GRID1: variants seen among roughly 807,000 people sequenced by gnomAD.
The protein encoded by GRID1 is glutamate ionotropic receptor delta type subunit 1.
A neutral mutation model predicts 98.0 loss-of-function variants in GRID1; 28 were observed. That is an observed-to-expected ratio of 0.29 (90% confidence interval 0.21 to 0.39). The LOEUF (loss-of-function observed/expected upper bound fraction) is 0.39, where lower values mean the gene tolerates loss of function less well. Among genes scored for constraint, GRID1 ranks in the 10% least tolerant of loss-of-function variants. The probability of loss-of-function intolerance (pLI) is 1.00; values close to 1 mark genes in which losing one functional copy is unlikely to be tolerated. For missense variants in GRID1, 1,111 were observed against 1,340.5 expected (o/e 0.83, Z 2.67); for synonymous variants, 553 against 538.5 (o/e 1.03, Z -0.37).
chr10:85,980,951 G>A (rs1223077398), intron 4 of GRID1, among the ~76,000 whole-genome samples: 1 of 152,208 alleles, frequency 6.6e-6, no homozygotes, highest in Admixed American at 6.5e-5. Flanking sequence ...ATTGATGCTG[G>A]TCACTGTGGG....
rs1198053116 is a variant in GRID1 at position 86,138,906 on chromosome 10, C to A, written c.639G>T (p.Lys213Asn). ...HVFTSLFTTM[K>N]TEELNRYRDT... Reference sequence around the variant, plus strand: ...CCCGGTAGCGATTCAGCTCCTCTGTCTTCATCGTGGTGAAGAGGCTGGTGA... The same window carrying A: ...CCCGGTAGCGATTCAGCTCCTCTGTATTCATCGTGGTGAAGAGGCTGGTGA... The change falls in exon 4 of 16, where the codon AAG (lysine) becomes AAT (asparagine). Residue 213 changes from lysine (K) to asparagine (N), a missense_variant. By Grantham distance (94) the Lys-to-Asn change is moderately conservative. Coordinates refer to ENST00000327946, the MANE Select transcript of GRID1 (RefSeq NM_017551.3). The A allele has an allele frequency of 6.2e-7, 1 of 1,614,218 alleles. No homozygotes were observed. Among genetic ancestry groups the A allele is most frequent in the Non-Finnish European group, 8.5e-7 (1 of 1,180,028 alleles).
intron 4 of GRID1, among the ~76,000 whole-genome samples, chr10:85,941,421 C>A (rs970771707): frequency 2.0e-5 from 3 of 152,142 alleles, no homozygotes; most frequent in African/African-American, 7.2e-5. Context: ...TATCTATATG[C>A]TGTGAACATA....
chr10:85,879,837 G>GT (rs940155870), intron 5 of GRID1, among the ~76,000 whole-genome samples: 1 of 152,074 alleles, frequency 6.6e-6, no homozygotes, highest in African/African-American at 2.4e-5. Flanking sequence ...CCAGGAGCTG[G>GT]TTTTTTGAAA....
Position 85,783,116 on chromosome 10 carries a change from C to T in GRID1, c.1234-53502G>A, listed in dbSNP as rs116670523. Among the ~76,000 whole-genome samples the T allele has an allele frequency of 5.4e-3, 827 of 152,258 alleles. 10 individuals are homozygous for T. Among genetic ancestry groups the T allele is most frequent in the African/African-American group, 0.018 (750 of 41,548 alleles). ...ATGCACCATCCCCAGAGAATAAGTG[C>T]CAACAACTCAATCTGAGGGATTAAA... On this transcript the variant is annotated intron_variant, in intron 8 of 15. Transcript: ENST00000327946.
chr10:86,280,514 A>G (rs1847341494), intron 2 of GRID1, among the ~76,000 whole-genome samples: 2 of 152,230 alleles, frequency 1.3e-5, no homozygotes, highest in African/African-American at 4.8e-5. Flanking sequence ...GGAGACATTC[A>G]TTATGGAGAA....
rs563594136 is a variant in GRID1 at position 85,864,076 on chromosome 10, T to A, written c.951+4934A>T. On this transcript the variant is annotated intron_variant, in intron 6 of 15. Transcript: ENST00000327946. ...TCCCTCTGTCATTAATCAAGCAAAG[T>A]GGACAGTTCAGTGAGACATCACAGA... Among the ~76,000 whole-genome samples, 35 of 152,296 alleles carry A rather than the reference T, an allele frequency of 2.3e-4. No individual in the cohort carries two copies. The South Asian group carries it at 7.3e-3, about 32-fold the overall frequency.
chr10:86,220,865 G>A (rs12781496), intron 2 of GRID1, among the ~76,000 whole-genome samples: 17,000 of 152,248 alleles, frequency 0.11, 1,210 homozygotes, highest in South Asian at 0.3. Flanking sequence ...TCGGGGGTGC[G>A]CCATGCACCC....
intron 4 of GRID1, among the ~76,000 whole-genome samples, chr10:85,934,732 C>T (rs1178881558): frequency 6.6e-5 from 10 of 152,056 alleles, no homozygotes; most frequent in Non-Finnish European, 1.0e-4. Flanking sequence ...AAGGAGAAGC[C>T]ACAAGCAGAC....
intron 12 of GRID1, among the ~76,000 whole-genome samples, chr10:85,705,498 G>A (rs529714867): frequency 1.3e-5 from 2 of 152,282 alleles, no homozygotes; most frequent in East Asian, 3.9e-4. Flanking sequence ...TCCAGGACCA[G>A]ATGGATTCAC....
intron 5 of GRID1, among the ~76,000 whole-genome samples, chr10:85,901,356 C>T (rs1186018128): frequency 1.3e-5 from 2 of 152,048 alleles, no homozygotes; most frequent in Non-Finnish European, 2.9e-5. Context: ...ACGCCATTCT[C>T]CCACCTCAGC....
chr10:85,619,957 G>A lies in GRID1; in HGVS notation c.2270C>T (p.Ser757Leu), dbSNP rs759191167. 8.1e-6 allele frequency: 13 copies of A among 1,613,816 alleles called. No homozygotes were observed. The highest frequency in any genetic ancestry group is 4.5e-5 in the East Asian group (2 of 44,886). Reference protein sequence around the residue: ...EYAALTDDDCSVTVIGNSISS... With the variant: ...EYAALTDDDCLVTVIGNSISS... ...GATGCTGTTGCCGATGACAGTCACC[G>A]AGCAGTCGTCATCCGTCAGGGCTGC... is the stretch of plus-strand genomic sequence containing the variant. Residue 757 changes from serine to leucine, a missense_variant, in exon 14 of 16, where the codon TCG becomes TTG. Physicochemically the swap from Ser to Leu is moderately radical, Grantham distance 145. Transcript: ENST00000327946.
intron 3 of GRID1, among the ~76,000 whole-genome samples, chr10:86,199,369 A>G (rs1845916865): frequency 6.6e-6 from 1 of 152,152 alleles, no homozygotes; most frequent in Non-Finnish European, 1.5e-5. Context: ...CTGAAGATGG[A>G]CCTTTAGGTT....
At position 85,656,091 on chromosome 10, in the gene GRID1, G is replaced by A. The variant is rs137978576; in HGVS notation, c.1998-8694C>T. ...TTACTGCCTCCATTACCCTCTTCCC[G>A]TTTCTCAGGAACCTGGCTTACTCCA... On this transcript the variant is annotated intron_variant, in intron 12 of 15. Coordinates refer to ENST00000327946, the MANE Select transcript of GRID1 (RefSeq NM_017551.3). 6.4e-4 allele frequency among the ~76,000 whole-genome samples: 97 copies of A among 151,640 alleles called. 1 individual carries two copies. Among genetic ancestry groups the A allele is most frequent in the Admixed American group, 2.0e-3 (30 of 15,256 alleles).
intron 4 of GRID1, among the ~76,000 whole-genome samples, chr10:86,135,635 C>A (rs1209296375): frequency 6.6e-6 from 1 of 152,078 alleles, no homozygotes; most frequent in African/African-American, 2.4e-5. Flanking sequence ...CCCACAGGGT[C>A]CCCAGGCAGG....
intron 3 of GRID1, among the ~76,000 whole-genome samples, chr10:86,173,808 G>A (rs1190889109): frequency 7.1e-6 from 1 of 140,910 alleles, no homozygotes; most frequent in Non-Finnish European, 1.5e-5. Flanking sequence ...TCCCACCTAT[G>A]AGTGAGAATA....
In GRID1 at chr10:85,922,747, T is replaced by A. The variant is rs1213326036; in HGVS notation, c.727-6508A>T. Among the ~76,000 whole-genome samples, 4 of 152,098 alleles carry A rather than the reference T, an allele frequency of 2.6e-5. No homozygotes were observed. The East Asian group carries it at 7.7e-4, about 29-fold the overall frequency. The stretch of plus-strand genomic sequence containing the variant: ...AGGGGTGTAGCTAGCTGCAGGAGGA[T>A]GGATTATTTGAAGAGCCTGTTTAAA... On this transcript the variant is annotated intron_variant, in intron 4 of 15. Coordinates refer to ENST00000327946, the MANE Select transcript of GRID1 (RefSeq NM_017551.3).
intron 6 of GRID1, among the ~76,000 whole-genome samples, chr10:85,862,061 C>T (rs761543407): frequency 6.6e-6 from 1 of 152,200 alleles, no homozygotes; most frequent in Non-Finnish European, 1.5e-5. Flanking sequence ...CAAGTTACTT[C>T]CCAACTTCTT....
At chr10:86,115,693 T>C (rs1284116755) in intron 4 of GRID1, among the ~76,000 whole-genome samples, 1 of 152,214 alleles carries the variant, frequency 6.6e-6, no homozygotes, top group Non-Finnish European at 1.5e-5. Flanking sequence ...TGAGGTGATC[T>C]ACTTGCCTAA....
At chr10:85,607,500 G>A (rs1842683603) in intron 15 of GRID1, among the ~76,000 whole-genome samples, 1 of 152,224 alleles carries the variant, frequency 6.6e-6, no homozygotes, top group Non-Finnish European at 1.5e-5. Flanking sequence ...GGGTCTGAGA[G>A]TATTGGCTGG....
Sources: gnomAD v4.1 joint callset for allele counts (sites outside exome capture counted in the v4.1 genomes callset) on GRCh38, gnomAD v4.1.1 for gene constraint, MANE v1.5 for transcripts, NCBI Gene and HGNC (gene_info 2026-07-23, HGNC 2026-07-21) for gene names.